GRM7: variants seen among roughly 807,000 people sequenced by gnomAD.
The protein encoded by GRM7 is metabotropic glutamate receptor 7.
Under a neutral mutation model 84.5 loss-of-function variants are expected in GRM7, and 35 were observed. The observed-to-expected ratio is 0.41, with a 90% confidence interval of 0.32 to 0.55. GRM7 has a LOEUF of 0.55. GRM7 is among the 20% of genes least tolerant of loss of function. The probability of loss-of-function intolerance (pLI) is 0.19; values close to 1 mark genes in which losing one functional copy is unlikely to be tolerated. For synonymous variants in GRM7, 487 were observed against 455.1 expected (o/e 1.07, Z -0.89); for missense variants, 1,003 against 1,194.6 (o/e 0.84, Z 2.36).
intron 7 of GRM7, among the ~76,000 whole-genome samples, chr3:7,536,331 A>C (rs999673470): frequency 6.6e-6 from 1 of 152,202 alleles, no homozygotes; most frequent in Non-Finnish European, 1.5e-5. Flanking sequence ...CAGGATCTAC[A>C]TGAAGGGCTT....
intron 3 of GRM7, among the ~76,000 whole-genome samples, chr3:7,300,189 T>G (rs915832825): frequency 1.3e-5 from 2 of 152,176 alleles, no homozygotes; most frequent in African/African-American, 4.8e-5. Flanking sequence ...ATCATTGACT[T>G]TGAAGGTGAA....
At chr3:6,957,590 G>A (rs1362774364) in intron 1 of GRM7, among the ~76,000 whole-genome samples, 2 of 152,158 alleles carry the variant, frequency 1.3e-5, no homozygotes, top group African/African-American at 2.4e-5. Flanking sequence ...CCAAGTTAAA[G>A]CATTGCTGCA....
At chr3:7,116,413 C>A (rs933921645) in intron 1 of GRM7, among the ~76,000 whole-genome samples, 1 of 152,136 alleles carries the variant, frequency 6.6e-6, no homozygotes, top group Non-Finnish European at 1.5e-5. Flanking sequence ...GATGAGGAAA[C>A]TGAGGCCCAG....
intron 4 of GRM7, among the ~76,000 whole-genome samples, chr3:7,367,685 A>G (rs938512570): frequency 6.6e-6 from 1 of 151,928 alleles, no homozygotes; most frequent in Non-Finnish European, 1.5e-5. Flanking sequence ...ATATGTTTTA[A>G]CAGTGTAGTG....
At chr3:7,636,039 T>G (rs368028305) in intron 8 of GRM7, among the ~76,000 whole-genome samples, 2 of 152,190 alleles carry the variant, frequency 1.3e-5, no homozygotes, top group East Asian at 3.8e-4. Flanking sequence ...TATTAATCAC[T>G]TTGAAAATAT....
intron 9 of GRM7, among the ~76,000 whole-genome samples, chr3:7,704,460 G>A (rs1701322805): frequency 6.6e-6 from 1 of 152,076 alleles, no homozygotes; most frequent in African/African-American, 2.4e-5. Context: ...ATTCAGAAAT[G>A]TGTAACAGTT....
At chr3:7,627,697 C>A (rs1215656941) in intron 8 of GRM7, among the ~76,000 whole-genome samples, 1 of 152,120 alleles carries the variant, frequency 6.6e-6, no homozygotes, top group Non-Finnish European at 1.5e-5. Flanking sequence ...TTTATTTGCT[C>A]ACAGTTCTGG....
At chr3:7,371,839 C>CA (rs1338380076) in intron 4 of GRM7, among the ~76,000 whole-genome samples, 2 of 152,156 alleles carry the variant, frequency 1.3e-5, no homozygotes, top group East Asian at 3.8e-4. Context: ...ACTTTTCTAA[C>CA]AGGCACAGCA....
Position 7,486,015 on chromosome 3 carries a change from C to T in GRM7, c.1515+24293C>T, listed in dbSNP as rs766435375. On this transcript the variant is annotated intron_variant, in intron 7 of 9. Transcript: ENST00000357716. This position sits in a 1 kb window ranked among gnomAD's most constrained non-coding sequence, Gnocchi z 5.5. ...GTAAGGGCACATATATAAACAAATA[C>T]AGTAAATGTGTATTTATTTACATAC... Among the ~76,000 whole-genome samples the T allele has an allele frequency of 1.3e-5, 2 of 152,064 alleles. No homozygotes were observed. The highest frequency in any genetic ancestry group is 2.9e-5 in the Non-Finnish European group (2 of 68,004).
chr3:7,372,194 G>T (rs1283495711), intron 4 of GRM7, among the ~76,000 whole-genome samples: 1 of 152,180 alleles, frequency 6.6e-6, no homozygotes, highest in African/African-American at 2.4e-5. Flanking sequence ...TAGGGAAGGA[G>T]GAACGGTTTG....
intron 1 of GRM7, among the ~76,000 whole-genome samples, chr3:7,126,816 C>G (rs193069085): frequency 6.6e-6 from 1 of 152,160 alleles, no homozygotes; most frequent in East Asian, 1.9e-4. Flanking sequence ...CATCATATAT[C>G]TCTATCTCCC....
At chr3:7,171,145 T>C (rs1384522465) in intron 2 of GRM7, among the ~76,000 whole-genome samples, 2 of 152,150 alleles carry the variant, frequency 1.3e-5, no homozygotes, top group Non-Finnish European at 2.9e-5. Flanking sequence ...AAGTCTGAGA[T>C]CAAGATGTCT....
chr3:7,693,326 A>T (rs575393795), intron 9 of GRM7, among the ~76,000 whole-genome samples: 10 of 152,304 alleles, frequency 6.6e-5, no homozygotes, highest in African/African-American at 1.9e-4. Flanking sequence ...ACATTAAAAA[A>T]TGGCAATTTC....
chr3:7,648,293 G>C (rs371406514), intron 8 of GRM7, among the ~76,000 whole-genome samples: 1 of 151,386 alleles, frequency 6.6e-6, no homozygotes, highest in African/African-American at 2.4e-5. Context: ...TTGGCCATGA[G>C]GGGGAAGGAA....
chr3:7,173,752 A>C (rs969118784), intron 2 of GRM7, among the ~76,000 whole-genome samples: 1 of 152,178 alleles, frequency 6.6e-6, no homozygotes, highest in Non-Finnish European at 1.5e-5. Flanking sequence ...CCTGGACCTC[A>C]GAGCTTGGCT....
intron 1 of GRM7, among the ~76,000 whole-genome samples, chr3:7,019,233 C>A (rs1013963733): frequency 6.6e-6 from 1 of 152,180 alleles, no homozygotes; most frequent in Non-Finnish European, 1.5e-5. Context: ...ACACGTACAG[C>A]CTCCCCCACT....
At chr3:6,899,223 T>A (rs1291558979) in intron 1 of GRM7, among the ~76,000 whole-genome samples, 4 of 152,290 alleles carry the variant, frequency 2.6e-5, no homozygotes, top group Admixed American at 6.5e-5. Context: ...TTTTCTCACT[T>A]AGTTTTATCT....
chr3:7,067,002 G>C (rs992166628), intron 1 of GRM7, among the ~76,000 whole-genome samples: 1 of 151,786 alleles, frequency 6.6e-6, no homozygotes, highest in African/African-American at 2.4e-5. Context: ...TCAGCAAAAT[G>C]GCATACAAAG....
In GRM7 at chr3:7,140,787, G is replaced by A. The variant is rs544813378; in HGVS notation, c.520-5665G>A. 6.6e-5 allele frequency among the ~76,000 whole-genome samples: 10 copies of A among 152,022 alleles called. 1 individual carries two copies. The South Asian group carries it at 1.5e-3, about 22-fold the overall frequency. On this transcript the variant is annotated intron_variant, in intron 1 of 9. Coordinates refer to ENST00000357716, the MANE Select transcript of GRM7 (RefSeq NM_000844.4). ...TATCAATAGCAAATATAAAGAAAAT[G>A]CTTTCAAGAAATGTGGTGGTAGATG... is the stretch of plus-strand genomic sequence containing the variant.
Sources: gnomAD v4.1 joint callset for allele counts (sites outside exome capture counted in the v4.1 genomes callset) on GRCh38, gnomAD v4.1.1 for gene constraint, Gnocchi (gnomAD v3.1) non-coding constraint, MANE v1.5 for transcripts, NCBI Gene and HGNC (gene_info 2026-07-23, HGNC 2026-07-21) for gene names.